The following IQCB1 variants were observed in gnomAD, a reference collection of about 807,000 sequenced individuals.
IQCB1 encodes the protein IQ calmodulin-binding motif-containing protein 1.
Under a neutral mutation model 84.4 loss-of-function variants are expected in IQCB1, and 56 were observed. That is an observed-to-expected ratio of 0.66 (90% CI 0.54 to 0.83). IQCB1 has a LOEUF of 0.83. Ranked by LOEUF, IQCB1 falls within the 40% of genes least tolerant of loss-of-function variation. IQCB1 has a pLI of 0.00. For missense variants in IQCB1, 629 were observed against 682.1 expected (o/e 0.92, Z 0.87); for synonymous variants, 210 against 234.8 (o/e 0.89, Z 0.96).
chr3:121,809,251 G>A (rs1260854123), intron 5 of IQCB1, among the ~76,000 whole-genome samples: 1 of 151,848 alleles, frequency 6.6e-6, no homozygotes, highest in African/African-American at 2.4e-5. Context: ...AGTAGTGTAA[G>A]GGCTACAAGT....
chr3:121,770,213 T>C lies in IQCB1; in HGVS notation c.*132A>G, dbSNP rs968921312. ...AGGTAGAATATAACTCTTTGCTTAC[T>C]GCAGGTCTTGTCTGGAGGAGAACCT... On this transcript the variant is annotated 3_prime_UTR_variant, in exon 15 of 15. Transcript: ENST00000310864. 51 of 661,326 alleles carry C rather than the reference T, an allele frequency of 7.7e-5. 1 individual carries two copies. The highest frequency in any genetic ancestry group is 8.1e-6 in the Non-Finnish European group (3 of 370,252). The allele number at this position is 661,326 out of a possible 1,614,324, so 41.0% of individuals were successfully genotyped here. A position where few individuals can be genotyped will look rare whatever the true frequency, so the allele number is the denominator to read the frequency against.
intron 12 of IQCB1, among the ~76,000 whole-genome samples, chr3:121,787,757 A>C (rs1948798002): frequency 1.3e-5 from 2 of 152,174 alleles, no homozygotes; most frequent in African/African-American, 4.8e-5. Context: ...CTCAAAAAAA[A>C]AAAAAAAATA....
intron 13 of IQCB1, among the ~76,000 whole-genome samples, chr3:121,774,529 C>A (rs891408086): frequency 6.6e-6 from 1 of 152,282 alleles, no homozygotes; most frequent in African/African-American, 2.4e-5. Context: ...TGGACGGAAC[C>A]CAAGTGTTCC....
intron 7 of IQCB1, among the ~76,000 whole-genome samples, chr3:121,801,218 T>A (rs2108575716): frequency 6.6e-6 from 1 of 152,164 alleles, no homozygotes; most frequent in Middle Eastern, 3.4e-3. Context: ...TATAAGCTGA[T>A]TTGTAAATCT....
At chr3:121,771,335 T>C (rs1041360097) in intron 14 of IQCB1, among the ~76,000 whole-genome samples, 51 of 152,070 alleles carry the variant, frequency 3.4e-4, no homozygotes, top group Non-Finnish European at 6.0e-4. Flanking sequence ...TTTATTTATA[T>C]TATTATTTTT....
chr3:121,825,412 C>A (rs1290508356), intron 5 of IQCB1, among the ~76,000 whole-genome samples: 1 of 151,608 alleles, frequency 6.6e-6, no homozygotes, highest in Non-Finnish European at 1.5e-5. Context: ...ATGCGGAGGG[C>A]CATAAAACAA....
At chr3:121,806,478 A>G (rs1234178113) in intron 7 of IQCB1, among the ~76,000 whole-genome samples, 1 of 152,106 alleles carries the variant, frequency 6.6e-6, no homozygotes, top group Non-Finnish European at 1.5e-5. Flanking sequence ...CCTATATGGA[A>G]CTTTATATCC....
At chr3:121,827,580 A>T (rs759846879) in intron 4 of IQCB1, among the ~76,000 whole-genome samples, 39 of 152,128 alleles carry the variant, frequency 2.6e-4, no homozygotes, top group Non-Finnish European at 5.0e-4. Context: ...ATAAGGCTTT[A>T]TTTACTTAAG....
At chr3:121,795,430 A>C in intron 10 of IQCB1, 27 bp downstream of exon 10, 1 of 1,148,744 alleles carries the variant, frequency 8.7e-7, no homozygotes, top group Non-Finnish European at 1.3e-6. Flanking sequence ...TTCTATGATC[A>C]TCAATCCCCT....
chr3:121,813,413 C>T (rs1445924202), intron 5 of IQCB1, among the ~76,000 whole-genome samples: 2 of 152,180 alleles, frequency 1.3e-5, no homozygotes, highest in Non-Finnish European at 2.9e-5. Flanking sequence ...ATCAAATTCA[C>T]ACATAACAAT....
intron 2 of IQCB1, among the ~76,000 whole-genome samples, chr3:121,829,224 A>G (rs1013478076): frequency 6.6e-6 from 1 of 152,184 alleles, no homozygotes; most frequent in African/African-American, 2.4e-5. Flanking sequence ...ACTCACTAAG[A>G]GTCAGGAACT....
At chr3:121,815,127 TC>T (rs1462465349) in intron 5 of IQCB1, among the ~76,000 whole-genome samples, 16 of 152,126 alleles carry the variant, frequency 1.1e-4, no homozygotes, top group African/African-American at 3.6e-4. Context: ...ATAAAAGTAA[TC>T]CATCACATAA....
chr3:121,826,215 G>A, intron 4 of IQCB1, 35 bp from the exon 5 acceptor site: 1 of 1,609,516 alleles, frequency 6.2e-7, no homozygotes. Context: ...TTAATTAGAA[G>A]TTTATGTTGA....
chr3:121,785,761 C>A (rs1267108830), intron 12 of IQCB1, among the ~76,000 whole-genome samples: 1 of 152,140 alleles, frequency 6.6e-6, no homozygotes, highest in Non-Finnish European at 1.5e-5. Context: ...GGGTATTTTA[C>A]ACTTACAACA....
chr3:121,770,806 C>T (rs1193549738), intron 14 of IQCB1, among the ~76,000 whole-genome samples: 1 of 152,160 alleles, frequency 6.6e-6, no homozygotes, highest in East Asian at 1.9e-4. Context: ...CCTCAGCTTC[C>T]TAAGTACCTG....
intron 8 of IQCB1, among the ~76,000 whole-genome samples, chr3:121,797,755 G>T (rs751757570): frequency 6.6e-6 from 1 of 151,962 alleles, no homozygotes; most frequent in Admixed American, 6.6e-5. Flanking sequence ...AACATTATAG[G>T]TGAAGTGCTA....
At chr3:121,829,418 G>C (rs918860247) in intron 2 of IQCB1, among the ~76,000 whole-genome samples, 1 of 152,212 alleles carries the variant, frequency 6.6e-6, no homozygotes, top group African/African-American at 2.4e-5. Context: ...TAGATTTCAG[G>C]AGGGTTTCTG....
At chr3:121,802,960 T>C (rs762076072) in intron 7 of IQCB1, among the ~76,000 whole-genome samples, 4 of 152,370 alleles carry the variant, frequency 2.6e-5, no homozygotes, top group Admixed American at 1.3e-4. Flanking sequence ...TCCCACATAT[T>C]TGGGGACTTT....
At chr3:121,828,702 T>A (rs529467571) in intron 3 of IQCB1, 70 bp from the exon 4 acceptor site, 1 of 1,152,822 alleles carries the variant, frequency 8.7e-7, no homozygotes, top group South Asian at 1.3e-5. Context: ...TATTTTTATA[T>A]GTTGAATAAT....
Sources: gnomAD v4.1 joint callset for allele counts (sites outside exome capture counted in the v4.1 genomes callset) on GRCh38, gnomAD v4.1.1 for gene constraint, MANE v1.5 for transcripts, NCBI Gene and HGNC (gene_info 2026-07-23, HGNC 2026-07-21) for gene names.